The following LPP variants were observed in gnomAD, a reference collection of about 807,000 sequenced individuals.
LPP encodes the protein LIM domain containing preferred translocation partner in lipoma, also known as lipoma-preferred partner.
A neutral mutation model predicts 60.4 loss-of-function variants in LPP; 38 were observed. The ratio of observed to expected loss-of-function variants is 0.63; its 90% confidence interval spans 0.49 to 0.83. LPP has a LOEUF of 0.83. Ranked by LOEUF, LPP falls within the 40% of genes least tolerant of loss-of-function variation. The probability of loss-of-function intolerance (pLI) is 0.00; values close to 1 mark genes in which losing one functional copy is unlikely to be tolerated. For synonymous variants in LPP, 328 were observed against 290.8 expected (o/e 1.13, Z -1.30); for missense variants, 902 against 783.6 (o/e 1.15, Z -1.80).
At chr3:188,596,823 G>A (rs1394726860) in intron 6 of LPP, among the ~76,000 whole-genome samples, 2 of 152,090 alleles carry the variant, frequency 1.3e-5, no homozygotes, top group African/African-American at 4.8e-5. Flanking sequence ...TGTGAACGAG[G>A]GTCTGTTTGT....
At chr3:188,196,855 A>C (rs1231833103) in intron 1 of LPP, among the ~76,000 whole-genome samples, 2 of 152,156 alleles carry the variant, frequency 1.3e-5, no homozygotes, top group African/African-American at 4.8e-5. Flanking sequence ...GACCTCACAC[A>C]TAGTGTTCCC....
chr3:188,754,414 T>C (rs538759680), intron 8 of LPP, among the ~76,000 whole-genome samples: 1 of 152,356 alleles, frequency 6.6e-6, no homozygotes, highest in South Asian at 2.1e-4. Context: ...GAATTTCTTT[T>C]TTTCAGCCAA....
chr3:188,175,068 T>G (rs553221225), intron 1 of LPP, among the ~76,000 whole-genome samples: 19 of 152,300 alleles, frequency 1.2e-4, no homozygotes, highest in African/African-American at 4.3e-4. Context: ...AAATTTAGTT[T>G]CTTTAGAGTA....
At chr3:188,632,816 A>G (rs919840633) in intron 7 of LPP, among the ~76,000 whole-genome samples, 1 of 151,756 alleles carries the variant, frequency 6.6e-6, no homozygotes, top group Admixed American at 6.6e-5. Flanking sequence ...GTCTTCCTCC[A>G]TTTCTCTCTT....
At chr3:188,419,799 C>A (rs147333996) in intron 4 of LPP, among the ~76,000 whole-genome samples, 4 of 152,026 alleles carry the variant, frequency 2.6e-5, no homozygotes, top group Non-Finnish European at 5.9e-5. Context: ...CTGAGGCAGG[C>A]GAATCACTTG....
chr3:188,252,075 T>TATACACAC (rs1233544060), intron 2 of LPP, among the ~76,000 whole-genome samples: 12 of 58,490 alleles, frequency 2.1e-4, no homozygotes, highest in African/African-American at 2.9e-4. Flanking sequence ...TATATATATA[T>TATACACAC]ACACACACAC....
intron 9 of LPP, among the ~76,000 whole-genome samples, chr3:188,852,614 C>T (rs906073318): frequency 6.6e-6 from 1 of 152,180 alleles, no homozygotes; most frequent in Non-Finnish European, 1.5e-5. Flanking sequence ...CTGTCATCCT[C>T]TCTTGACCTT....
At chr3:188,517,047 G>A (rs1817571295) in intron 5 of LPP, among the ~76,000 whole-genome samples, 1 of 152,092 alleles carries the variant, frequency 6.6e-6, no homozygotes, top group Non-Finnish European at 1.5e-5. Flanking sequence ...ATTAACAGAA[G>A]CATTTATTTT....
At chr3:188,486,196 C>T (rs1218263171) in intron 5 of LPP, among the ~76,000 whole-genome samples, 5 of 152,040 alleles carry the variant, frequency 3.3e-5, no homozygotes, top group African/African-American at 1.2e-4. Context: ...TAGGGAACAA[C>T]TGCTTAAATG....
intron 7 of LPP, among the ~76,000 whole-genome samples, chr3:188,657,779 T>C (rs1394075818): frequency 1.3e-5 from 2 of 152,168 alleles, no homozygotes; most frequent in African/African-American, 4.8e-5. Flanking sequence ...TTTAAAAATA[T>C]ATATAAGTTG....
chr3:188,223,334 G>A (rs976046103), intron 1 of LPP, among the ~76,000 whole-genome samples: 3 of 152,116 alleles, frequency 2.0e-5, no homozygotes, highest in African/African-American at 7.2e-5. Context: ...GGGATAAATG[G>A]ATGTTAAAAA....
At chr3:188,653,589 T>G (rs1191044178) in intron 7 of LPP, among the ~76,000 whole-genome samples, 2 of 152,160 alleles carry the variant, frequency 1.3e-5, no homozygotes, top group African/African-American at 4.8e-5. Context: ...CTGTGAAAGA[T>G]AATTGAAAGT....
intron 5 of LPP, among the ~76,000 whole-genome samples, chr3:188,490,109 T>C (rs1807875826): frequency 6.6e-6 from 1 of 152,216 alleles, no homozygotes; most frequent in Non-Finnish European, 1.5e-5. Context: ...CATATTGGTT[T>C]TCTTTCCCCT....
At chr3:188,280,055 A>G (rs1323507597) in intron 2 of LPP, among the ~76,000 whole-genome samples, 1 of 152,192 alleles carries the variant, frequency 6.6e-6, no homozygotes, top group African/African-American at 2.4e-5. Context: ...AGTGGCATTC[A>G]ATTAATTAAG....
At chr3:188,347,411 A>C (rs1309114243) in intron 3 of LPP, among the ~76,000 whole-genome samples, 1 of 152,248 alleles carries the variant, frequency 6.6e-6, no homozygotes, top group Non-Finnish European at 1.5e-5. Context: ...CACATTATGC[A>C]TAACTCAGTT....
intron 4 of LPP, among the ~76,000 whole-genome samples, chr3:188,430,236 C>T (rs1282673676): frequency 6.6e-6 from 1 of 151,910 alleles, no homozygotes; most frequent in African/African-American, 2.4e-5. Context: ...AACTAGAGTT[C>T]AGAATGAGTA....
rs540604636 is a variant in LPP at position 188,655,878 on chromosome 3, G to T, written c.1113+46034G>T. On this transcript the variant is annotated intron_variant, in intron 7 of 11. Coordinates refer to ENST00000617246, the MANE Select transcript of LPP (RefSeq NM_001375462.1). Reference sequence around the variant, plus strand: ...TGCTTCCTTATACAAGGTGCAAGCGGTGCTAATCTCACATTAAAAAAACAC... The same window carrying T: ...TGCTTCCTTATACAAGGTGCAAGCGTTGCTAATCTCACATTAAAAAAACAC... 1.3e-4 allele frequency among the ~76,000 whole-genome samples: 20 copies of T among 152,012 alleles called. No individual in the cohort carries two copies. The East Asian group carries it at 2.3e-3, about 18-fold the overall frequency.
intron 8 of LPP, among the ~76,000 whole-genome samples, chr3:188,757,709 A>G (rs1730721793): frequency 6.6e-6 from 1 of 152,156 alleles, no homozygotes; most frequent in South Asian, 2.1e-4. Flanking sequence ...AAAATGTAAA[A>G]TTACAGCTTT....
intron 1 of LPP, among the ~76,000 whole-genome samples, chr3:188,185,688 G>A (rs1726388939): frequency 6.6e-6 from 1 of 152,086 alleles, no homozygotes; most frequent in South Asian, 2.1e-4. Flanking sequence ...CCATTTGTTT[G>A]GGTCAAGCCT....
Sources: allele counts gnomAD v4.1 joint callset (sites outside exome capture counted in the v4.1 genomes callset), GRCh38; gene constraint gnomAD v4.1.1; transcripts MANE v1.5; gene names NCBI Gene and HGNC (gene_info 2026-07-23, HGNC 2026-07-21).